The following GPC6 variants were observed in gnomAD, a reference collection of about 807,000 sequenced individuals.
GPC6 encodes the protein glypican 6.
GPC6 carries 14 observed loss-of-function variants against 55.2 expected under a neutral mutation model. That is an observed-to-expected ratio of 0.25 (90% CI 0.17 to 0.40). The LOEUF (loss-of-function observed/expected upper bound fraction) is 0.40, where lower values mean the gene tolerates loss of function less well. Among genes scored for constraint, GPC6 ranks in the 10% least tolerant of loss-of-function variants. The pLI is 1.00. For synonymous variants in GPC6, 278 were observed against 259.6 expected, an observed-to-expected ratio of 1.07 and a Z score of -0.68; for missense variants, 641 against 708.5, an observed-to-expected ratio of 0.90 and a Z score of 1.08.
At chr13:93,660,242 T>C (rs1880866078) in intron 2 of GPC6, among the ~76,000 whole-genome samples, 1 of 152,172 alleles carries the variant, frequency 6.6e-6, no homozygotes, top group South Asian at 2.1e-4. Context: ...ATAGAGCTTT[T>C]GAATTACTTA....
intron 3 of GPC6, among the ~76,000 whole-genome samples, chr13:93,989,220 C>T (rs1218710045): frequency 6.6e-6 from 1 of 152,112 alleles, no homozygotes; most frequent in East Asian, 1.9e-4. Flanking sequence ...TCTATGTAGT[C>T]CCTTTTCACA....
intron 2 of GPC6, among the ~76,000 whole-genome samples, chr13:93,679,828 C>CA (rs11457336): frequency 0.5 from 73,726 of 146,182 alleles, 19,530 homozygotes; most frequent in Middle Eastern, 0.74. Flanking sequence ...GTGTTATGAG[C>CA]AAAAAAAAAA....
chr13:93,945,927 T>C (rs1473526224), intron 3 of GPC6, among the ~76,000 whole-genome samples: 2 of 152,240 alleles, frequency 1.3e-5, no homozygotes, highest in Non-Finnish European at 2.9e-5. Flanking sequence ...CACTACTGAA[T>C]TGCATAATAG....
At chr13:93,326,066 A>G (rs1879641930) in intron 1 of GPC6, among the ~76,000 whole-genome samples, 1 of 152,160 alleles carries the variant, frequency 6.6e-6, no homozygotes. Flanking sequence ...TTAGGTGACT[A>G]GATGGAACCT....
In GPC6 at chr13:93,329,727, A is replaced by G. The variant is rs115714468; in HGVS notation, c.160+102111A>G. The stretch of plus-strand genomic sequence containing the variant: ...CCAGGCTTCTCCCTGAAACACCGCA[A>G]GCGTAAGTGGAAATGAGTTCCCTAG... On this transcript the variant is annotated intron_variant, in intron 1 of 8. Coordinates refer to ENST00000377047, the MANE Select transcript of GPC6 (RefSeq NM_005708.5). Among the ~76,000 whole-genome samples the G allele has an allele frequency of 5.0e-3, 759 of 152,182 alleles. 10 individuals are homozygous for G. The highest frequency in any genetic ancestry group is 0.017 in the African/African-American group (723 of 41,520).
intron 2 of GPC6, among the ~76,000 whole-genome samples, chr13:93,713,264 A>G (rs1883135850): frequency 6.6e-6 from 1 of 151,608 alleles, no homozygotes; most frequent in African/African-American, 2.4e-5. Context: ...TCTAGGAGCT[A>G]CAGAAAAAAT....
chr13:94,242,191 A>C (rs1039856790), intron 4 of GPC6, among the ~76,000 whole-genome samples: 1 of 151,874 alleles, frequency 6.6e-6, no homozygotes. Context: ...TCCTTGCGAT[A>C]GTTTACTGAG....
At chr13:93,236,220 CTTTTT>C (rs769510131) in intron 1 of GPC6, among the ~76,000 whole-genome samples, 6 of 151,938 alleles carry the variant, frequency 3.9e-5, no homozygotes, top group Non-Finnish European at 8.8e-5. Flanking sequence ...CTTCATTATC[CTTTTT>C]TTTGTTATTC....
At chr13:94,169,797 A>G (rs1033958550) in intron 4 of GPC6, among the ~76,000 whole-genome samples, 2 of 152,118 alleles carry the variant, frequency 1.3e-5, no homozygotes, top group Admixed American at 6.5e-5. Flanking sequence ...CAGAGAGAAC[A>G]CGTGGCTGCA....
chr13:94,331,900 C>T (rs909410645), intron 6 of GPC6, among the ~76,000 whole-genome samples: 6 of 152,118 alleles, frequency 3.9e-5, no homozygotes, highest in African/African-American at 1.2e-4. Flanking sequence ...TCAAAGAGTT[C>T]GTCAACTAAA....
At chr13:93,313,662 T>A (rs1030549844) in intron 1 of GPC6, among the ~76,000 whole-genome samples, 1 of 151,354 alleles carries the variant, frequency 6.6e-6, no homozygotes, top group Non-Finnish European at 1.5e-5. Context: ...TGTAATAGAT[T>A]TTTTTTTTAA....
intron 1 of GPC6, among the ~76,000 whole-genome samples, chr13:93,460,402 A>T (rs992146005): frequency 6.6e-6 from 1 of 152,216 alleles, no homozygotes; most frequent in Admixed American, 6.5e-5. Flanking sequence ...CTAAATTCAC[A>T]TGCTTTTCTA....
chr13:94,274,874 T>A (rs1892154729), intron 4 of GPC6, among the ~76,000 whole-genome samples: 1 of 152,084 alleles, frequency 6.6e-6, no homozygotes, highest in Non-Finnish European at 1.5e-5. Flanking sequence ...ACAATAAGAT[T>A]CTGAATTCCC....
intron 3 of GPC6, among the ~76,000 whole-genome samples, chr13:93,996,533 G>A (rs1192444355): frequency 6.6e-6 from 1 of 152,022 alleles, no homozygotes; most frequent in African/African-American, 2.4e-5. Flanking sequence ...TTTCTTGGTG[G>A]TTAGTGCTTT....
chr13:93,876,569 T>C (rs1390425600), intron 3 of GPC6, among the ~76,000 whole-genome samples: 1 of 152,086 alleles, frequency 6.6e-6, no homozygotes. Flanking sequence ...AATACTTATT[T>C]CTCTTACCTA....
At chr13:94,003,997 A>G (rs971650235) in intron 3 of GPC6, among the ~76,000 whole-genome samples, 4 of 152,248 alleles carry the variant, frequency 2.6e-5, no homozygotes, top group Non-Finnish European at 5.9e-5. Context: ...CAGGCAAATT[A>G]ATGAACTACT....
At chr13:93,775,387 C>T (rs1386117586) in intron 2 of GPC6, among the ~76,000 whole-genome samples, 1 of 152,178 alleles carries the variant, frequency 6.6e-6, no homozygotes, top group African/African-American at 2.4e-5. Flanking sequence ...GGCTTAGAGT[C>T]ATCTAGGTTT....
chr13:93,497,461 C>G (rs1404978493), intron 1 of GPC6, among the ~76,000 whole-genome samples: 1 of 152,154 alleles, frequency 6.6e-6, no homozygotes, highest in African/African-American at 2.4e-5. Context: ...GCCTGGGGAG[C>G]TAATACCACT....
chr13:93,394,970 A>C (rs1875788478), intron 1 of GPC6: 1 of 222,808 alleles, frequency 4.5e-6, no homozygotes, highest in Admixed American at 4.2e-5. Context: ...ACAGTACAGA[A>C]ACAGAAGCAA....
Sources: allele counts gnomAD v4.1 joint callset (sites outside exome capture counted in the v4.1 genomes callset), GRCh38; gene constraint gnomAD v4.1.1; transcripts MANE v1.5; gene names NCBI Gene and HGNC (gene_info 2026-07-23, HGNC 2026-07-21).